The following ITGA8 variants were observed in gnomAD, a reference collection of about 807,000 sequenced individuals.
ITGA8 encodes the protein integrin alpha-8.
In ITGA8, 91 loss-of-function variants were observed where a neutral mutation model predicts 142.3. The observed-to-expected ratio is 0.64, with a 90% CI of 0.54 to 0.76. The LOEUF is 0.76. Among genes scored for constraint, ITGA8 ranks in the 30% least tolerant of loss-of-function variants. The pLI, the probability that ITGA8 is intolerant of heterozygous loss-of-function variation, is 0.00. For synonymous variants in ITGA8, 505 were observed against 485.2 expected (o/e 1.04, Z -0.54); for missense variants, 1,406 against 1,327.7 (o/e 1.06, Z -0.92).
At chr10:15,702,266 T>C (rs1835178091) in intron 2 of ITGA8, among the ~76,000 whole-genome samples, 1 of 152,050 alleles carries the variant, frequency 6.6e-6, no homozygotes, top group African/African-American at 2.4e-5. Flanking sequence ...AGATCAAATA[T>C]AAATACCCTG....
chr10:15,675,636 G>A lies in ITGA8; in HGVS notation c.676+1956C>T, dbSNP rs529887264. On this transcript the variant is annotated intron_variant, in intron 6 of 29. Transcript: ENST00000378076. ...CAACTTTCAATCTATTTTCTGTAAC[G>A]CAGCCAGAATGATCCTTTCAAAACA... Among the ~76,000 whole-genome samples, 14 of 152,144 alleles carry A rather than the reference G, an allele frequency of 9.2e-5. No homozygotes were observed. The South Asian group carries it at 2.1e-3, about 23-fold the overall frequency.
intron 2 of ITGA8, among the ~76,000 whole-genome samples, chr10:15,697,279 G>C (rs1382311714): frequency 6.6e-6 from 1 of 152,088 alleles, no homozygotes; most frequent in Non-Finnish European, 1.5e-5. Context: ...TAAAAGTACA[G>C]AGAAATATAA....
intron 13 of ITGA8, among the ~76,000 whole-genome samples, chr10:15,621,473 A>C (rs1231247707): frequency 2.0e-5 from 3 of 152,152 alleles, no homozygotes; most frequent in Non-Finnish European, 4.4e-5. Flanking sequence ...TTTTTAAATG[A>C]GGAAGAAAAG....
intron 26 of ITGA8, among the ~76,000 whole-genome samples, chr10:15,554,200 A>C (rs550707106): frequency 6.6e-6 from 1 of 152,312 alleles, no homozygotes; most frequent in Admixed American, 6.5e-5. Context: ...AAGTTAATTT[A>C]GGACTTCCGC....
chr10:15,715,539 G>A (rs571353911), intron 2 of ITGA8, among the ~76,000 whole-genome samples: 3 of 152,276 alleles, frequency 2.0e-5, no homozygotes, highest in East Asian at 3.9e-4. Flanking sequence ...ACGGTCTTGG[G>A]TATACCTTTG....
intron 7 of ITGA8, among the ~76,000 whole-genome samples, 188 bp downstream of exon 7, chr10:15,672,436 A>G (rs1381418302): frequency 6.6e-6 from 1 of 152,242 alleles, no homozygotes; most frequent in Non-Finnish European, 1.5e-5. Context: ...TGCTCACATT[A>G]TGTATTACAC....
At chr10:15,547,846 A>C (rs912704169) in intron 27 of ITGA8, among the ~76,000 whole-genome samples, 22 of 152,180 alleles carry the variant, frequency 1.4e-4, no homozygotes, top group Admixed American at 1.3e-3. Context: ...CATACTCATC[A>C]TGCTGCCACT....
intron 8 of ITGA8, among the ~76,000 whole-genome samples, chr10:15,670,221 T>C (rs1343740490): frequency 6.6e-6 from 1 of 152,242 alleles, no homozygotes; most frequent in South Asian, 2.1e-4. Flanking sequence ...TGGAAAATGG[T>C]AAATACTGAT....
intron 20 of ITGA8, among the ~76,000 whole-genome samples, chr10:15,600,795 G>T (rs942104635): frequency 3.3e-5 from 5 of 152,172 alleles, no homozygotes; most frequent in Non-Finnish European, 7.3e-5. Context: ...GATGAAGGTG[G>T]TGACAGTGGC....
At chr10:15,537,307 T>G (rs1383415030) in intron 27 of ITGA8, among the ~76,000 whole-genome samples, 1 of 152,186 alleles carries the variant, frequency 6.6e-6, no homozygotes, top group Non-Finnish European at 1.5e-5. Flanking sequence ...CGCATTCCTC[T>G]TTAGGATTTG....
intron 13 of ITGA8, among the ~76,000 whole-genome samples, chr10:15,617,628 T>G (rs1833418611): frequency 6.6e-6 from 1 of 151,914 alleles, no homozygotes; most frequent in African/African-American, 2.4e-5. Context: ...GTCGATCTCC[T>G]GACCTCATGA....
chr10:15,655,912 C>T (rs1247868206), intron 10 of ITGA8, among the ~76,000 whole-genome samples: 1 of 152,028 alleles, frequency 6.6e-6, no homozygotes, highest in African/African-American at 2.4e-5. Flanking sequence ...ATGGTGAGAC[C>T]TCATCCCTAC....
intron 25 of ITGA8, among the ~76,000 whole-genome samples, chr10:15,565,781 G>A (rs980846592): frequency 6.6e-6 from 1 of 151,380 alleles, no homozygotes; most frequent in Non-Finnish European, 1.5e-5. Context: ...GCAGAGATGG[G>A]GTTTTGCCAT....
At chr10:15,708,111 G>A (rs958096483) in intron 2 of ITGA8, among the ~76,000 whole-genome samples, 4 of 151,810 alleles carry the variant, frequency 2.6e-5, no homozygotes, top group African/African-American at 4.8e-5. Context: ...CGTACTCCAC[G>A]TCAAGAACAG....
rs544747840 is a variant in ITGA8, at chr10:15,536,315, C to T, written c.2881-5164G>A. On this transcript the variant is annotated intron_variant, in intron 27 of 29. Coordinates refer to ENST00000378076, the MANE Select transcript of ITGA8 (RefSeq NM_003638.3). ...GGAAGGAAAAAAAAATGCATCTTCA[C>T]TTTTAAAGAATGCTCTGGAGCTCCA... Among the ~76,000 whole-genome samples, 4 of 152,262 alleles carry T rather than the reference C, an allele frequency of 2.6e-5. No homozygotes were observed. In the East Asian group the frequency reaches 7.7e-4, roughly 29 times the overall value.
chr10:15,710,781 G>A (rs972875525), intron 2 of ITGA8, among the ~76,000 whole-genome samples: 11 of 152,158 alleles, frequency 7.2e-5, no homozygotes, highest in African/African-American at 2.7e-4. Flanking sequence ...CTGGCCACAG[G>A]AGATTGGCTT....
intron 13 of ITGA8, among the ~76,000 whole-genome samples, chr10:15,622,270 C>T (rs897121228): frequency 5.3e-5 from 8 of 152,180 alleles, no homozygotes; most frequent in Non-Finnish European, 1.0e-4. Flanking sequence ...CACCTTCCTC[C>T]TGCTTCCTTC....
intron 27 of ITGA8, among the ~76,000 whole-genome samples, chr10:15,540,140 TA>T (rs1833539778): frequency 6.6e-6 from 1 of 152,218 alleles, no homozygotes; most frequent in East Asian, 1.9e-4. Flanking sequence ...GAAAACATAC[TA>T]ATACAATTAC....
chr10:15,579,966 A>G (rs1834375370), intron 23 of ITGA8, among the ~76,000 whole-genome samples: 1 of 151,978 alleles, frequency 6.6e-6, no homozygotes, highest in South Asian at 2.1e-4. Context: ...TGGGAGAGAA[A>G]GTCAAATCCA....
Sources: gnomAD v4.1 joint callset for allele counts (sites outside exome capture counted in the v4.1 genomes callset) on GRCh38, gnomAD v4.1.1 for gene constraint, MANE v1.5 for transcripts, NCBI Gene and HGNC (gene_info 2026-07-23, HGNC 2026-07-21) for gene names.